FRY: variants seen among roughly 807,000 people sequenced by gnomAD.
FRY encodes FRY microtubule binding protein, also known as protein furry homolog.
FRY carries 128 observed loss-of-function variants against 348.4 expected under a neutral mutation model. The observed-to-expected ratio is 0.37, with a 90% confidence interval of 0.32 to 0.43. The LOEUF (loss-of-function observed/expected upper bound fraction) is 0.43. FRY is among the 20% of genes least tolerant of loss of function. FRY has a pLI of 1.00. For missense variants in FRY, 2,736 were observed against 3,695.2 expected (o/e 0.74, Z 6.73); for synonymous variants, 1,370 against 1,374.7 (o/e 1.00, Z 0.08).
intron 16 of FRY, among the ~76,000 whole-genome samples, chr13:32,159,766 C>CT (rs1015137317): frequency 1.3e-5 from 2 of 152,130 alleles, no homozygotes; most frequent in African/African-American, 4.8e-5. Flanking sequence ...GGTGAGCAAA[C>CT]TAGTAGAACT....
intron 1 of FRY, among the ~76,000 whole-genome samples, chr13:32,042,959 TA>T (rs1317358613): frequency 6.6e-6 from 1 of 152,178 alleles, no homozygotes; most frequent in Non-Finnish European, 1.5e-5. Context: ...TGCCATTAAG[TA>T]AAAACTACAA....
At chr13:32,146,868 T>C (rs1299145067) in intron 11 of FRY, among the ~76,000 whole-genome samples, 1 of 152,048 alleles carries the variant, frequency 6.6e-6, no homozygotes, top group Non-Finnish European at 1.5e-5. Flanking sequence ...GGTAATCAGA[T>C]GGGATGGGGA....
chr13:32,234,745 A>G lies in FRY; in HGVS notation c.5699A>G (p.His1900Arg). ...AGATTGGTGGAGGTGATAGGAGAAC[A>G]TGGAGATGAGATTCAGGTATGGAAG... ...LSRLVEVIGE[H>R]GDEIQGYVME... Residue 1900 changes from histidine to arginine, a missense_variant, in exon 42 of 61, where the codon CAT becomes CGT. Around this residue, in one of 9 missense-constraint regions of FRY, gnomAD observed 794 missense variants for 977.0 expected, o/e 0.81. Transcript: ENST00000542859. The G allele has an allele frequency of 6.2e-7, 1 of 1,614,090 alleles. No homozygotes were observed. Among genetic ancestry groups the G allele is most frequent in the Non-Finnish European group, 8.5e-7 (1 of 1,179,938 alleles).
intron 42 of FRY, among the ~76,000 whole-genome samples, chr13:32,234,974 A>G (rs1397914849): frequency 1.3e-5 from 2 of 152,198 alleles, no homozygotes; most frequent in African/African-American, 4.8e-5. Context: ...TATCTCTTTT[A>G]TATAAGCCAA....
At chr13:32,142,644 G>A (rs1880148947) in intron 11 of FRY, among the ~76,000 whole-genome samples, 1 of 152,104 alleles carries the variant, frequency 6.6e-6, no homozygotes, top group Non-Finnish European at 1.5e-5. Flanking sequence ...ATTTATTACT[G>A]TCATTATAAT....
intron 1 of FRY, among the ~76,000 whole-genome samples, chr13:32,045,835 C>T (rs1405455776): frequency 6.6e-6 from 1 of 152,156 alleles, no homozygotes; most frequent in East Asian, 1.9e-4. Context: ...TATTTTTATG[C>T]TGGCGAGATT....
intron 2 of FRY, among the ~76,000 whole-genome samples, chr13:32,080,608 T>A (rs1875413832): frequency 6.6e-6 from 1 of 152,206 alleles, no homozygotes; most frequent in Admixed American, 6.5e-5. Context: ...AGGACTCTCC[T>A]GTAACTTGAG....
chr13:32,181,301 A>G (rs930095791), intron 23 of FRY, among the ~76,000 whole-genome samples: 3 of 152,060 alleles, frequency 2.0e-5, no homozygotes, highest in African/African-American at 7.2e-5. Flanking sequence ...TCATATAGAA[A>G]TACAAGGAGA....
At chr13:32,090,350 C>CA (rs34392238) in intron 2 of FRY, among the ~76,000 whole-genome samples, 23,216 of 58,314 alleles carry the variant, frequency 0.4, 4,110 homozygotes, top group Non-Finnish European at 0.43. Flanking sequence ...GACTCCATCT[C>CA]AAAAAAAAAA....
intron 55 of FRY, among the ~76,000 whole-genome samples, chr13:32,274,176 A>T (rs972111267): frequency 6.6e-6 from 1 of 152,068 alleles, no homozygotes; most frequent in South Asian, 2.1e-4. Flanking sequence ...CTCCCCCATT[A>T]CCCTAAGGAC....
intron 56 of FRY, 116 bp downstream of exon 56, chr13:32,275,107 G>T (rs779723251): frequency 2.2e-6 from 2 of 919,552 alleles, no homozygotes; most frequent in African/African-American, 1.6e-5. Context: ...GGCCGGGTGC[G>T]GTGGCTCAAG....
rs575331049 is a variant in FRY at position 32,157,870 on chromosome 13, T to C, written c.1784+465T>C. ...AATGTATTCAAATCAAGTATTCTTATTCAAAATCTGAAGATCTAGATTGAC... is the reference window on the plus strand; with the variant it reads ...AATGTATTCAAATCAAGTATTCTTACTCAAAATCTGAAGATCTAGATTGAC... On this transcript the variant is annotated intron_variant, in intron 16 of 60. Coordinates refer to ENST00000542859, the MANE Select transcript of FRY (RefSeq NM_023037.3). Among the ~76,000 whole-genome samples, 82 of 152,378 alleles carry C rather than the reference T, an allele frequency of 5.4e-4. 1 individual carries two copies. Among genetic ancestry groups the C allele is most frequent in the Admixed American group, 5.2e-3 (80 of 15,310 alleles).
At chr13:32,144,748 G>A (rs17077130) in intron 11 of FRY, among the ~76,000 whole-genome samples, 5,162 of 152,122 alleles carry the variant, frequency 0.034, 250 homozygotes, top group African/African-American at 0.1. Flanking sequence ...CATTGACCCC[G>A]TGCAGAACAG....
intron 2 of FRY, among the ~76,000 whole-genome samples, chr13:32,083,716 G>C (rs142666007): frequency 2.0e-5 from 3 of 152,246 alleles, no homozygotes; most frequent in African/African-American, 7.2e-5. Flanking sequence ...ATTCTTGGAT[G>C]TGAATTTTTT....
intron 2 of FRY, among the ~76,000 whole-genome samples, chr13:32,093,438 G>A (rs1876470413): frequency 6.6e-6 from 1 of 152,050 alleles, no homozygotes; most frequent in South Asian, 2.1e-4. Flanking sequence ...TTGAGGAAAC[G>A]TCTTTCTTTC....
intron 4 of FRY, 98 bp downstream of exon 4, chr13:32,117,571 C>A: frequency 1.6e-6 from 2 of 1,262,688 alleles, no homozygotes; most frequent in South Asian, 1.2e-5. Flanking sequence ...GTCTTCCTGA[C>A]TCTTCACAAG....
chr13:32,034,895 C>T (rs17077002), intron 1 of FRY, among the ~76,000 whole-genome samples: 4,895 of 152,284 alleles, frequency 0.032, 195 homozygotes, highest in African/African-American at 0.096. Flanking sequence ...AATAAGGCCT[C>T]GCTTACCTAG....
intron 47 of FRY, among the ~76,000 whole-genome samples, chr13:32,246,913 G>A (rs75940570): frequency 0.021 from 3,135 of 151,826 alleles, 103 homozygotes; most frequent in African/African-American, 0.072. Context: ...AATGGAGCAG[G>A]AGGAGCCAGA....
chr13:32,206,626 T>G (rs537502415), intron 31 of FRY, among the ~76,000 whole-genome samples: 2 of 152,306 alleles, frequency 1.3e-5, no homozygotes, highest in South Asian at 4.1e-4. Context: ...TGGTTCACAG[T>G]TCAGGAGAGA....
Sources: allele counts gnomAD v4.1 joint callset (sites outside exome capture counted in the v4.1 genomes callset), GRCh38; gene constraint gnomAD v4.1.1; regional missense constraint gnomAD v4.1.1; transcripts MANE v1.5; gene names NCBI Gene and HGNC (gene_info 2026-07-23, HGNC 2026-07-21).